Variants in SCYL2 observed in about 807,000 individuals in gnomAD.
SCYL2 encodes SCY1-like protein 2.
In SCYL2, 36 loss-of-function variants were observed where a neutral mutation model predicts 100.4. The ratio of observed to expected loss-of-function variants is 0.36; its 90% CI spans 0.27 to 0.47. The LOEUF is 0.47. Ranked by LOEUF, SCYL2 falls within the 20% of genes least tolerant of loss-of-function variation. SCYL2 has a pLI of 1.00. For missense variants in SCYL2, 902 were observed against 1,083.9 expected, an observed-to-expected ratio of 0.83 and a Z score of 2.36; for synonymous variants, 330 against 359.2, an observed-to-expected ratio of 0.92 and a Z score of 0.92.
chr12:100,322,417 G>T (rs1339301439), intron 10 of SCYL2, among the ~76,000 whole-genome samples: 1 of 150,520 alleles, frequency 6.6e-6, no homozygotes, highest in Admixed American at 6.6e-5. Context: ...AAAAGAATTG[G>T]GATTATGTAA....
chr12:100,318,300 G>A (rs931945367), intron 10 of SCYL2, among the ~76,000 whole-genome samples: 5 of 151,036 alleles, frequency 3.3e-5, no homozygotes, highest in Admixed American at 6.6e-5. Flanking sequence ...CAAAAATTCC[G>A]AAGATGCATG....
intron 10 of SCYL2, among the ~76,000 whole-genome samples, chr12:100,318,632 A>G (rs1469259180): frequency 6.6e-6 from 1 of 152,084 alleles, no homozygotes. Context: ...GGGCGTGGCC[A>G]CGTGTGCCTT....
At chr12:100,338,296 G>T (rs1485767774) in intron 17 of SCYL2, among the ~76,000 whole-genome samples, 1 of 152,080 alleles carries the variant, frequency 6.6e-6, no homozygotes, top group East Asian at 1.9e-4. Context: ...CTTAATTGGA[G>T]TTTACAGTTA....
intron 14 of SCYL2, among the ~76,000 whole-genome samples, chr12:100,334,695 A>G (rs1952253602): frequency 6.6e-6 from 1 of 151,986 alleles, no homozygotes; most frequent in African/African-American, 2.4e-5. Context: ...CATTCATTTC[A>G]TATTTAGCAT....
chr12:100,287,983 A>AAT (rs1315123629), intron 2 of SCYL2, among the ~76,000 whole-genome samples: 3 of 152,192 alleles, frequency 2.0e-5, no homozygotes, highest in Non-Finnish European at 2.9e-5. Context: ...AGAGGATTGT[A>AAT]ATATATATAA....
chr12:100,284,941 G>A (rs1247444150), intron 2 of SCYL2, among the ~76,000 whole-genome samples: 1 of 152,166 alleles, frequency 6.6e-6, no homozygotes, highest in African/African-American at 2.4e-5. Context: ...GAAGGCCAAG[G>A]TGGAAGGACC....
intron 1 of SCYL2, among the ~76,000 whole-genome samples, chr12:100,281,855 G>T (rs1412059122): frequency 3.3e-5 from 5 of 150,176 alleles, no homozygotes; most frequent in African/African-American, 9.8e-5. Flanking sequence ...AAAAAAGAAA[G>T]TACAAATTTA....
At chr12:100,317,198 A>G (rs1172407325) in intron 9 of SCYL2, among the ~76,000 whole-genome samples, 2 of 152,210 alleles carry the variant, frequency 1.3e-5, no homozygotes, top group African/African-American at 2.4e-5. Context: ...TGTTCCTTAT[A>G]ATTTAGGTAT....
intron 1 of SCYL2, among the ~76,000 whole-genome samples, chr12:100,276,896 T>C (rs1230712894): frequency 6.6e-6 from 1 of 152,122 alleles, no homozygotes; most frequent in African/African-American, 2.4e-5. Flanking sequence ...AGCTATAGAT[T>C]TCTTTGTAAG....
chr12:100,297,723 ATATC>A (rs1300061534), intron 3 of SCYL2, among the ~76,000 whole-genome samples: 8 of 152,232 alleles, frequency 5.3e-5, no homozygotes, highest in Non-Finnish European at 1.2e-4. Flanking sequence ...TCCATAAAGA[ATATC>A]AATCATTTGA....
intron 10 of SCYL2, chr12:100,319,277 A>G (rs1320949874): frequency 2.2e-6 from 1 of 455,954 alleles, no homozygotes; most frequent in Admixed American, 2.4e-5. Context: ...GACATGGATG[A>G]GTGGGGAAGG....
At chr12:100,313,843 G>T (rs1390906678) in intron 7 of SCYL2, among the ~76,000 whole-genome samples, 1 of 151,480 alleles carries the variant, frequency 6.6e-6, no homozygotes, top group Non-Finnish European at 1.5e-5. Context: ...GACTCTTAGA[G>T]AATTCATAGT....
rs1358229286 is a variant in SCYL2 at position 100,315,542 on chromosome 12, C to A, written c.1096-16C>A. 6 of 1,549,790 alleles carry A rather than the reference C, an allele frequency of 3.9e-6. No homozygotes were observed. Among genetic ancestry groups the A allele is most frequent in the Admixed American group, 2.0e-5 (1 of 49,154 alleles). ...TAAATTTTATTTTTTTTTTAAAAAA[C>A]ATTTTTGCCTTTCAGCGTGTCATTG... On this transcript the variant is annotated splice_polypyrimidine_tract_variant and intron_variant, in intron 8 of 17. Coordinates refer to ENST00000360820, the MANE Select transcript of SCYL2 (RefSeq NM_017988.6).
intron 1 of SCYL2, among the ~76,000 whole-genome samples, chr12:100,281,909 ATTG>A (rs1317290418): frequency 1.3e-5 from 2 of 151,906 alleles, no homozygotes; most frequent in Non-Finnish European, 2.9e-5. Flanking sequence ...TAAGTTGTAT[ATTG>A]TTGTTTTTAA....
chr12:100,332,480 C>G (rs554565367), intron 13 of SCYL2, among the ~76,000 whole-genome samples: 1 of 152,234 alleles, frequency 6.6e-6, no homozygotes, highest in South Asian at 2.1e-4. Context: ...GTTTTCTGCA[C>G]AAACTACATT....
At chr12:100,322,096 G>T (rs191955339) in intron 10 of SCYL2, among the ~76,000 whole-genome samples, 1 of 150,732 alleles carries the variant, frequency 6.6e-6, no homozygotes, top group East Asian at 1.9e-4. Context: ...AAAAGGGCCG[G>T]GCGCGGTGGC....
At chr12:100,325,547 TA>T (rs1168298574) in intron 11 of SCYL2, among the ~76,000 whole-genome samples, 6 of 152,152 alleles carry the variant, frequency 3.9e-5, no homozygotes, top group Non-Finnish European at 1.5e-5. Flanking sequence ...CCTCTATCTC[TA>T]AAAGTTTAAA....
At chr12:100,290,986 GT>G (rs1343814118) in intron 2 of SCYL2, among the ~76,000 whole-genome samples, 5 of 152,058 alleles carry the variant, frequency 3.3e-5, no homozygotes, top group African/African-American at 1.2e-4. Context: ...ACTAGTAACC[GT>G]TTACATTTAC....
intron 4 of SCYL2, among the ~76,000 whole-genome samples, chr12:100,302,618 G>A (rs1251315331): frequency 6.6e-6 from 1 of 152,212 alleles, no homozygotes; most frequent in Admixed American, 6.5e-5. Flanking sequence ...TTTCTGCAGA[G>A]AGATCTGCTG....
Sources: allele counts gnomAD v4.1 joint callset (sites outside exome capture counted in the v4.1 genomes callset), GRCh38; gene constraint gnomAD v4.1.1; transcripts MANE v1.5; gene names NCBI Gene and HGNC (gene_info 2026-07-23, HGNC 2026-07-21).